RBFOX1: variants seen among roughly 807,000 people sequenced by gnomAD.
The protein encoded by RBFOX1 is RNA binding fox-1 homolog 1.
Under a neutral mutation model 57.7 loss-of-function variants are expected in RBFOX1, and 8 were observed. The ratio of observed to expected loss-of-function variants is 0.14; its 90% confidence interval spans 0.08 to 0.25. The LOEUF (loss-of-function observed/expected upper bound fraction) is 0.25. RBFOX1 is among the 10% of genes least tolerant of loss of function. The pLI is 1.00. For synonymous variants in RBFOX1, 326 were observed against 222.4 expected, an observed-to-expected ratio of 1.47 and a Z score of -4.15; for missense variants, 611 against 548.5, an observed-to-expected ratio of 1.11 and a Z score of -1.14.
chr16:6,085,821 TC>T (rs2096075596), intron 1 of RBFOX1, among the ~76,000 whole-genome samples: 1 of 152,200 alleles, frequency 6.6e-6, no homozygotes, highest in Non-Finnish European at 1.5e-5. Flanking sequence ...AAGTGCTGAT[TC>T]TTTTTTTTTG....
chr16:7,512,058 T>A (rs542972076), intron 4 of RBFOX1, among the ~76,000 whole-genome samples: 4 of 151,544 alleles, frequency 2.6e-5, no homozygotes, highest in Admixed American at 6.6e-5. Flanking sequence ...ACAAGCACCC[T>A]GACTCTGCAG....
intron 4 of RBFOX1, among the ~76,000 whole-genome samples, chr16:7,095,352 G>T (rs1310823583): frequency 6.6e-6 from 1 of 152,216 alleles, no homozygotes; most frequent in South Asian, 2.1e-4. Context: ...TGGCCAGGCT[G>T]GTCTCGAACT....
intron 1 of RBFOX1, chr16:5,467,150 G>A: frequency 7.3e-7 from 1 of 1,370,000 alleles, no homozygotes; most frequent in South Asian, 1.4e-5. Context: ...CAAAGCAATT[G>A]TTTCAATGTA....
At chr16:5,240,676 T>C (rs2062143413) in intron 1 of RBFOX1, among the ~76,000 whole-genome samples, 1 of 152,152 alleles carries the variant, frequency 6.6e-6, no homozygotes, top group Non-Finnish European at 1.5e-5. Context: ...CTCTCCTCTT[T>C]CCATCCCTAC....
At chr16:7,018,627 G>C (rs12927607) in intron 3 of RBFOX1, among the ~76,000 whole-genome samples, 65,869 of 151,908 alleles carry the variant, frequency 0.43, 17,605 homozygotes, top group South Asian at 0.61. Flanking sequence ...GTTATTTCTA[G>C]TTCTAGATCC....
intron 2 of RBFOX1, among the ~76,000 whole-genome samples, chr16:5,485,429 G>C (rs2069699113): frequency 7.4e-6 from 1 of 135,306 alleles, no homozygotes; most frequent in Non-Finnish European, 1.6e-5. Flanking sequence ...CATACCAAGA[G>C]GTGAGATCAT....
At chr16:5,454,828 CTTGCTTT>C (rs1567534512) in intron 1 of RBFOX1, among the ~76,000 whole-genome samples, 107 of 106,998 alleles carry the variant, frequency 1.0e-3, no homozygotes, top group Middle Eastern at 5.8e-3. Context: ...CCTTTCTTTC[CTTGCTTT>C]CTTTCCTTTC....
chr16:6,846,550 G>C (rs774313101), intron 3 of RBFOX1, among the ~76,000 whole-genome samples: 1 of 152,188 alleles, frequency 6.6e-6, no homozygotes, highest in African/African-American at 2.4e-5. Context: ...CAAGGGAGCT[G>C]TTCGGGGAGC....
At chr16:5,794,507 C>T (rs1415270889) in intron 3 of RBFOX1, among the ~76,000 whole-genome samples, 3 of 151,200 alleles carry the variant, frequency 2.0e-5, no homozygotes, top group Non-Finnish European at 4.4e-5. Flanking sequence ...TCAATGCCAG[C>T]GTGCGTGTGT....
intron 1 of RBFOX1, among the ~76,000 whole-genome samples, chr16:5,428,025 T>C (rs78439695): frequency 0.011 from 1,612 of 152,278 alleles, 33 homozygotes; most frequent in African/African-American, 0.037. Flanking sequence ...GTATTAATTG[T>C]TACACTGTGT....
intron 4 of RBFOX1, among the ~76,000 whole-genome samples, chr16:7,247,105 G>T (rs1227870038): frequency 2.6e-5 from 4 of 152,174 alleles, no homozygotes; most frequent in Non-Finnish European, 4.4e-5. Context: ...TGTGTCTGCA[G>T]GTCAGCTGGC....
intron 3 of RBFOX1, among the ~76,000 whole-genome samples, chr16:5,710,216 T>A (rs1377247594): frequency 6.6e-6 from 1 of 152,120 alleles, no homozygotes; most frequent in Non-Finnish European, 1.5e-5. Flanking sequence ...TTTTGTCACT[T>A]TGCAGATGTT....
intron 4 of RBFOX1, among the ~76,000 whole-genome samples, chr16:7,087,081 G>T (rs989407925): frequency 2.6e-5 from 4 of 152,204 alleles, no homozygotes; most frequent in African/African-American, 7.2e-5. Flanking sequence ...GAGCTGTGCG[G>T]TGTGAAGAGT....
chr16:7,125,556 C>G (rs1219053472), intron 4 of RBFOX1, among the ~76,000 whole-genome samples: 1 of 152,052 alleles, frequency 6.6e-6, no homozygotes, highest in Non-Finnish European at 1.5e-5. Flanking sequence ...TATGATGTGC[C>G]AAGTCATGGA....
chr16:5,944,789 C>CAAAAAAAAAAAAAAAAAAAA (rs2059360169), intron 4 of RBFOX1, among the ~76,000 whole-genome samples: 1 of 24,906 alleles, frequency 4.0e-5, no homozygotes, highest in Admixed American at 3.4e-4. Context: ...CCTGTCTCTG[C>CAAAAAAAAAAAAAAAAAAAA]TAAAAAAAAA....
At chr16:6,815,012 C>G (rs2089742192) in intron 3 of RBFOX1, among the ~76,000 whole-genome samples, 4 of 152,192 alleles carry the variant, frequency 2.6e-5, no homozygotes, top group African/African-American at 2.4e-5. Context: ...CTTATCATTA[C>G]TTCTTGATTA....
intron 4 of RBFOX1, among the ~76,000 whole-genome samples, chr16:7,350,621 G>A (rs868384674): frequency 2.8e-4 from 43 of 152,214 alleles, no homozygotes; most frequent in African/African-American, 9.6e-4. Flanking sequence ...AGGACAGCTA[G>A]TATGCATGGT....
At chr16:6,909,368 G>A (rs1453714675) in intron 3 of RBFOX1, among the ~76,000 whole-genome samples, 1 of 152,130 alleles carries the variant, frequency 6.6e-6, no homozygotes, top group Non-Finnish European at 1.5e-5. Context: ...GGTCCACCTG[G>A]ATAATCCTGG....
At chr16:5,729,955 C>T (rs2052301517) in intron 3 of RBFOX1, among the ~76,000 whole-genome samples, 1 of 152,188 alleles carries the variant, frequency 6.6e-6, no homozygotes, top group Non-Finnish European at 1.5e-5. Context: ...GGTGCAGCAC[C>T]TGCCTTTGGA....
Sources: allele counts gnomAD v4.1 joint callset (sites outside exome capture counted in the v4.1 genomes callset), GRCh38; gene constraint gnomAD v4.1.1; transcripts MANE v1.5; gene names NCBI Gene and HGNC (gene_info 2026-07-23, HGNC 2026-07-21).